PACRG: variants seen among roughly 807,000 people sequenced by gnomAD.
PACRG encodes the protein parkin coregulated.
In PACRG, 29 loss-of-function variants were observed where a neutral mutation model predicts 29.7. The ratio of observed to expected loss-of-function variants is 0.98; its 90% CI spans 0.73 to 1.33. The LOEUF (loss-of-function observed/expected upper bound fraction) is 1.33. Ranked by LOEUF, PACRG falls within the 40% of genes most tolerant of loss-of-function variation. The probability of loss-of-function intolerance (pLI) is 0.00; values close to 1 mark genes in which losing one functional copy is unlikely to be tolerated. For synonymous variants in PACRG, 116 were observed against 118.7 expected (o/e 0.98, Z 0.15); for missense variants, 279 against 316.2 (o/e 0.88, Z 0.89).
At chr6:162,740,768 T>C (rs1322446201) in intron 1 of PACRG, among the ~76,000 whole-genome samples, 1 of 151,862 alleles carries the variant, frequency 6.6e-6, no homozygotes, top group Non-Finnish European at 1.5e-5. Context: ...CCCAGCTAAT[T>C]TTTGTATTTT....
intron 1 of PACRG, among the ~76,000 whole-genome samples, chr6:162,765,039 C>T (rs1041972397): frequency 5.9e-5 from 9 of 151,974 alleles, no homozygotes; most frequent in Admixed American, 1.3e-4. Context: ...CCACCGTGCC[C>T]GGCCTGGAAA....
At chr6:163,196,956 T>TAGAC (rs1451209326) in intron 4 of PACRG, among the ~76,000 whole-genome samples, 7 of 124,082 alleles carry the variant, frequency 5.6e-5, no homozygotes, top group Admixed American at 2.5e-4. Flanking sequence ...GATAGATAGA[T>TAGAC]AGATAGATAG....
intron 4 of PACRG, among the ~76,000 whole-genome samples, chr6:163,212,908 A>G (rs1228378120): frequency 6.6e-6 from 1 of 151,950 alleles, no homozygotes; most frequent in African/African-American, 2.4e-5. Flanking sequence ...CCTCCCGAGT[A>G]GCTGGAACTA....
intron 4 of PACRG, among the ~76,000 whole-genome samples, chr6:163,224,223 G>A (rs1411832609): frequency 4.6e-5 from 7 of 151,624 alleles, no homozygotes; most frequent in Non-Finnish European, 7.4e-5. Flanking sequence ...ACAAAAATTA[G>A]CCAGGCACAG....
chr6:162,910,148 C>T (rs1314279733), intron 2 of PACRG, among the ~76,000 whole-genome samples: 1 of 152,148 alleles, frequency 6.6e-6, no homozygotes, highest in African/African-American at 2.4e-5. Flanking sequence ...GTGTTTACTT[C>T]TTTAATCTTC....
chr6:163,300,111 T>C (rs962160842), intron 4 of PACRG, among the ~76,000 whole-genome samples: 2 of 152,236 alleles, frequency 1.3e-5, no homozygotes, highest in African/African-American at 4.8e-5. Flanking sequence ...AGAAAATCAG[T>C]TGAGCCCTTT....
intron 2 of PACRG, among the ~76,000 whole-genome samples, chr6:162,958,878 TATATATAGAGAGAGAGAGAG>T (rs1230545957): frequency 2.0e-3 from 41 of 20,164 alleles, no homozygotes; most frequent in African/African-American, 5.7e-3. Flanking sequence ...TATATATATA[TATATATAGAGAGAGAGAGAG>T]AGAGAGAGAG....
At chr6:162,888,322 T>C (rs1794513825) in intron 2 of PACRG, among the ~76,000 whole-genome samples, 1 of 152,142 alleles carries the variant, frequency 6.6e-6, no homozygotes, top group Non-Finnish European at 1.5e-5. Context: ...CCAGCGGCTC[T>C]TTCAGCACGT....
At chr6:162,735,991 A>G (rs1461770672) in intron 1 of PACRG, among the ~76,000 whole-genome samples, 1 of 152,238 alleles carries the variant, frequency 6.6e-6, no homozygotes, top group East Asian at 1.9e-4. Context: ...CATAAGAGTC[A>G]GTATATTTAT....
At chr6:163,101,394 C>T in intron 4 of PACRG, 1 of 974,116 alleles carries the variant, frequency 1.0e-6, no homozygotes, top group Non-Finnish European at 1.2e-6. Flanking sequence ...GTTTTTCTAA[C>T]AGAAATCACT....
intron 2 of PACRG, among the ~76,000 whole-genome samples, chr6:162,852,101 A>T (rs1346497068): frequency 6.6e-6 from 1 of 152,158 alleles, no homozygotes; most frequent in Non-Finnish European, 1.5e-5. Context: ...CATAACTTTC[A>T]GAACACCTGT....
chr6:162,875,058 C>T (rs1793187839), intron 2 of PACRG, among the ~76,000 whole-genome samples: 1 of 152,208 alleles, frequency 6.6e-6, no homozygotes, highest in Non-Finnish European at 1.5e-5. Flanking sequence ...CACACTCACA[C>T]ATGCATTCAC....
intron 4 of PACRG, among the ~76,000 whole-genome samples, chr6:163,273,533 C>T (rs1350662921): frequency 1.3e-5 from 2 of 152,074 alleles, no homozygotes; most frequent in Admixed American, 6.6e-5. Flanking sequence ...GATTTTCTGC[C>T]TCTTCAAGGG....
At chr6:162,741,414 G>A (rs886700215) in intron 1 of PACRG, among the ~76,000 whole-genome samples, 2 of 152,100 alleles carry the variant, frequency 1.3e-5, no homozygotes, top group African/African-American at 4.8e-5. Context: ...CCACCATTTT[G>A]GCTCTTGGTG....
intron 2 of PACRG, among the ~76,000 whole-genome samples, chr6:163,008,517 C>A (rs936473228): frequency 1.3e-5 from 2 of 151,362 alleles, no homozygotes; most frequent in Non-Finnish European, 2.9e-5. Flanking sequence ...TTCCTTTCTC[C>A]AATTTGAGAG....
intron 4 of PACRG, among the ~76,000 whole-genome samples, chr6:163,185,211 G>A (rs767052095): frequency 7.9e-5 from 12 of 151,950 alleles, no homozygotes; most frequent in Non-Finnish European, 1.2e-4. Context: ...GCAGCCGTAC[G>A]CTGGGAGTCA....
intron 4 of PACRG, among the ~76,000 whole-genome samples, chr6:163,217,686 G>A (rs1016483293): frequency 6.6e-5 from 10 of 152,054 alleles, no homozygotes; most frequent in Admixed American, 2.0e-4. Context: ...CCTGAGCTCC[G>A]CCTCCTGTCA....
intron 4 of PACRG, among the ~76,000 whole-genome samples, chr6:163,246,225 AC>A (rs1782692632): frequency 6.6e-6 from 1 of 151,952 alleles, no homozygotes; most frequent in Non-Finnish European, 1.5e-5. Flanking sequence ...TATCTCCCTG[AC>A]CCCATCTCAT....
At chr6:162,807,847 A>G (rs1031655403) in intron 1 of PACRG, among the ~76,000 whole-genome samples, 5 of 152,208 alleles carry the variant, frequency 3.3e-5, no homozygotes, top group Non-Finnish European at 7.3e-5. Flanking sequence ...GTGAAGCACA[A>G]TAAACCAAAG....
Sources: gnomAD v4.1 joint callset for allele counts (sites outside exome capture counted in the v4.1 genomes callset) on GRCh38, gnomAD v4.1.1 for gene constraint, MANE v1.5 for transcripts, NCBI Gene and HGNC (gene_info 2026-07-23, HGNC 2026-07-21) for gene names.